Variants in RGS6 observed in about 807,000 individuals in gnomAD.
The protein encoded by RGS6 is regulator of G protein signaling 6.
Under a neutral mutation model 78.5 loss-of-function variants are expected in RGS6, and 30 were observed. The ratio of observed to expected loss-of-function variants is 0.38; its 90% CI spans 0.29 to 0.52. RGS6 has a LOEUF of 0.52. RGS6 is among the 20% of genes least tolerant of loss of function. The pLI is 0.85. For synonymous variants in RGS6, 206 were observed against 206.0 expected, an observed-to-expected ratio of 1.00 and a Z score of 0.00; for missense variants, 495 against 609.7, an observed-to-expected ratio of 0.81 and a Z score of 1.98.
intron 3 of RGS6, among the ~76,000 whole-genome samples, chr14:72,417,394 T>C (rs1012974618): frequency 1.3e-5 from 2 of 152,142 alleles, no homozygotes; most frequent in African/African-American, 4.8e-5. Context: ...TTAAGTGCAT[T>C]TGGGAGGAGG....
intron 3 of RGS6, among the ~76,000 whole-genome samples, chr14:72,420,214 C>T (rs930739560): frequency 3.9e-5 from 6 of 152,212 alleles, no homozygotes; most frequent in African/African-American, 7.2e-5. Context: ...ACAAGGGTCT[C>T]ACAATGCCAG....
In RGS6 at chr14:72,323,125, A is replaced by G. The variant is rs141408081; in HGVS notation, c.85-28970A>G. ...TATCATATATGCAGATGATATGATT[A>G]TGTACTGTAAAACACAAAGAATCAC... On this transcript the variant is annotated intron_variant, in intron 2 of 17. Coordinates refer to ENST00000553525, the MANE Select transcript of RGS6 (RefSeq NM_001204424.2). Among the ~76,000 whole-genome samples, 649 of 152,296 alleles carry G rather than the reference A, an allele frequency of 4.3e-3. 4 individuals are homozygous for G. Among genetic ancestry groups the G allele is most frequent in the African/African-American group, 0.015 (622 of 41,588 alleles).
intron 12 of RGS6, among the ~76,000 whole-genome samples, chr14:72,483,204 G>A (rs74351691): frequency 0.055 from 8,414 of 152,186 alleles, 311 homozygotes; most frequent in Middle Eastern, 0.12. Context: ...TCCATGTTTG[G>A]CTGCGATTCC....
rs993492434 is a variant in RGS6 at position 72,364,027 on chromosome 14, C to A, written c.184+11833C>A. Among the ~76,000 whole-genome samples, 889 of 90,994 alleles carry A rather than the reference C, an allele frequency of 9.8e-3. 2 individuals are homozygous for A. Among genetic ancestry groups the A allele is most frequent in the Non-Finnish European group, 0.012 (594 of 48,268 alleles). 59.7% of individuals were successfully genotyped at this position (90,994 alleles called of 152,430 possible). A position where few individuals can be genotyped will look rare whatever the true frequency, so the allele number is the denominator to read the frequency against. ...AAAAAAAAAAAAAAAAAAAAAAAAA[C>A]TCTATATTTATATGATGGAGTTCTC... is the stretch of plus-strand genomic sequence containing the variant. On this transcript the variant is annotated intron_variant, in intron 3 of 17. Transcript: ENST00000553525.
chr14:72,274,452 C>G (rs184276948), intron 2 of RGS6, among the ~76,000 whole-genome samples: 3 of 152,344 alleles, frequency 2.0e-5, no homozygotes, highest in African/African-American at 7.2e-5. Context: ...CCATGGCCCC[C>G]TAGCATGAAC....
At chr14:72,611,990 G>A in the RGS6 span, among the ~76,000 whole-genome samples, 172 of 152,324 alleles carry the variant, frequency 1.1e-3, no homozygotes, top group African/African-American at 3.9e-3. Context: ...AGGCCAGCAT[G>A]CGGTTTATTT....
At chr14:72,057,313 GAAA>G (rs71109718) in intron 2 of RGS6, among the ~76,000 whole-genome samples, 825 of 56,004 alleles carry the variant, frequency 0.015, 2 homozygotes, top group Non-Finnish European at 0.02. Flanking sequence ...GACTCTATCT[GAAA>G]AAAAAAAAAA....
chr14:71,951,300 G>C (rs1162889192), intron 1 of RGS6, among the ~76,000 whole-genome samples: 3 of 151,992 alleles, frequency 2.0e-5, no homozygotes, highest in Non-Finnish European at 4.4e-5. Context: ...GCAAACAAAC[G>C]CAGGAGCAGA....
Position 72,437,235 on chromosome 14 carries a change from G to A in RGS6, c.185-17293G>A, listed in dbSNP as rs373926746. On this transcript the variant is annotated intron_variant, in intron 3 of 17. Transcript: ENST00000553525. ...GGGTGCCTGTAATCCCATCTACTCG[G>A]GAGGCTGAGACAGGAGAATCGCTTG... is the stretch of plus-strand genomic sequence containing the variant. Among the ~76,000 whole-genome samples, 24 of 150,418 alleles carry A rather than the reference G, an allele frequency of 1.6e-4. No homozygotes were observed. The South Asian group carries it at 2.3e-3, about 15-fold the overall frequency.
At chr14:72,245,051 A>T (rs2053877189) in intron 2 of RGS6, among the ~76,000 whole-genome samples, 1 of 152,122 alleles carries the variant, frequency 6.6e-6, no homozygotes, top group African/African-American at 2.4e-5. Flanking sequence ...TCTTGTTTTT[A>T]TTATCACCAT....
rs140632694 is a variant in RGS6 at position 72,546,562 on chromosome 14, C to G, written c.1422+6468C>G. Among the ~76,000 whole-genome samples, 122 of 152,300 alleles carry G rather than the reference C, an allele frequency of 8.0e-4. 1 individual carries two copies. Among genetic ancestry groups the G allele is most frequent in the African/African-American group, 2.6e-3 (109 of 41,562 alleles). ...AAAAGCAGCCAAAATGCTCTCCCCA[C>G]GGAGTGCCCACTTGGAGAAAAACCC... On this transcript the variant is annotated intron_variant, in intron 17 of 17. Transcript: ENST00000553525.
chr14:71,895,181 T>A, the RGS6 span, among the ~76,000 whole-genome samples: 3 of 152,184 alleles, frequency 2.0e-5, no homozygotes, highest in Admixed American at 2.0e-4. Flanking sequence ...ACTATTAGAC[T>A]GTTTTTTGTT....
At chr14:72,062,782 C>A (rs1468272665) in intron 2 of RGS6, among the ~76,000 whole-genome samples, 3 of 152,156 alleles carry the variant, frequency 2.0e-5, no homozygotes, top group Non-Finnish European at 4.4e-5. Flanking sequence ...GTTGGTCATT[C>A]AATGGATAGG....
chr14:71,926,228 C>G, the RGS6 span, among the ~76,000 whole-genome samples: 1 of 152,208 alleles, frequency 6.6e-6, no homozygotes, highest in Admixed American at 6.5e-5. Flanking sequence ...AGAAAAAAAG[C>G]AAAGTTGGAG....
chr14:72,334,836 G>A (rs1372536015), intron 2 of RGS6, among the ~76,000 whole-genome samples: 6 of 152,048 alleles, frequency 3.9e-5, no homozygotes, highest in Non-Finnish European at 8.8e-5. Context: ...GCTTCCCTTG[G>A]CTCTCAGAGA....
intron 6 of RGS6, among the ~76,000 whole-genome samples, chr14:72,463,662 T>TGCAAAATCCTGTCCAGG (rs1361146147): frequency 4.6e-5 from 7 of 152,226 alleles, no homozygotes; most frequent in Non-Finnish European, 2.9e-5. Context: ...ATTTGGCCAG[T>TGCAAAATCCTGTCCAGG]GCAAAATCCT....
At chr14:72,128,928 A>G (rs1421922050) in intron 2 of RGS6, among the ~76,000 whole-genome samples, 2 of 152,190 alleles carry the variant, frequency 1.3e-5, no homozygotes, top group African/African-American at 2.4e-5. Context: ...TGCTTTTAAT[A>G]TGATTCACAG....
At chr14:72,601,619 ATGTT>A in the RGS6 span, among the ~76,000 whole-genome samples, 144 of 152,378 alleles carry the variant, frequency 9.5e-4, no homozygotes, top group Middle Eastern at 6.8e-3. Flanking sequence ...GAAATGATAA[ATGTT>A]TGAGGTGATG....
At chr14:72,185,457 G>A (rs2097227787) in intron 2 of RGS6, among the ~76,000 whole-genome samples, 1 of 152,210 alleles carries the variant, frequency 6.6e-6, no homozygotes, top group East Asian at 1.9e-4. Flanking sequence ...GAAAACTCTT[G>A]ATGAGAGTAA....
Sources: allele counts gnomAD v4.1 joint callset (sites outside exome capture counted in the v4.1 genomes callset), GRCh38; gene constraint gnomAD v4.1.1; transcripts MANE v1.5; gene names NCBI Gene and HGNC (gene_info 2026-07-23, HGNC 2026-07-21).